KLC1: variants seen among roughly 807,000 people sequenced by gnomAD.
The protein encoded by KLC1 is kinesin 2 60/70kDa.
In KLC1, 30 loss-of-function variants were observed where a neutral mutation model predicts 84.2. That is an observed-to-expected ratio of 0.36 (90% CI 0.27 to 0.48). The LOEUF (loss-of-function observed/expected upper bound fraction) is 0.48, where lower values mean the gene tolerates loss of function less well. KLC1 is among the 20% of genes least tolerant of loss of function. KLC1 has a pLI of 0.99. For missense variants in KLC1, 499 were observed against 805.4 expected, an observed-to-expected ratio of 0.62 and a Z score of 4.60; for synonymous variants, 289 against 293.3, an observed-to-expected ratio of 0.99 and a Z score of 0.15.
chr14:103,637,601 G>A (rs545083965), intron 1 of KLC1, among the ~76,000 whole-genome samples: 2 of 151,994 alleles, frequency 1.3e-5, no homozygotes, highest in East Asian at 1.9e-4. Context: ...AGCAACATCC[G>A]CTTTCCTTAA....
chr14:103,662,166 C>G lies in KLC1; in HGVS notation c.543C>G (p.Pro181=). The change falls in exon 4 of 17, where the codon CCC becomes CCG. Residue 181 remains proline (P), a synonymous_variant. Coordinates refer to ENST00000334553, the MANE Select transcript of KLC1 (RefSeq NM_001394837.1). ...AAGAGCCTCTGGATGACCTTTTCCC[C>G]AATGATGAAGACGACCCAGGGCAAG... ...STKEPLDDLF[P]NDEDDPGQGI... 6.2e-7 allele frequency: 1 copy of G among 1,613,892 alleles called. No individual in the cohort carries two copies. The highest frequency in any genetic ancestry group is 8.5e-7 in the Non-Finnish European group (1 of 1,179,850).
intron 15 of KLC1, chr14:103,696,457 A>G (rs2082529370): frequency 2.0e-6 from 2 of 984,884 alleles, no homozygotes; most frequent in Non-Finnish European, 1.2e-6. Context: ...TGTATTAAAC[A>G]TTGCTAATGA....
chr14:103,639,333 G>A (rs930512582), intron 1 of KLC1, among the ~76,000 whole-genome samples: 43 of 152,058 alleles, frequency 2.8e-4, no homozygotes, highest in Non-Finnish European at 4.9e-4. Flanking sequence ...GTTTCACCAT[G>A]TTGGCCAGGC....
intron 7 of KLC1, among the ~76,000 whole-genome samples, chr14:103,671,757 TGGG>T (rs1567028764): frequency 1.3e-5 from 2 of 152,176 alleles, no homozygotes; most frequent in Non-Finnish European, 2.9e-5. Flanking sequence ...GGCAAGGAAT[TGGG>T]GGAGAGAAAA....
chr14:103,641,458 G>A (rs1367307199), intron 1 of KLC1, among the ~76,000 whole-genome samples: 1 of 152,184 alleles, frequency 6.6e-6, no homozygotes, highest in Admixed American at 6.6e-5. Context: ...CAGTCCTGGA[G>A]GCTGGAAGTC....
intron 11 of KLC1, among the ~76,000 whole-genome samples, chr14:103,676,216 G>A (rs1325761115): frequency 6.6e-6 from 1 of 152,186 alleles, no homozygotes; most frequent in Non-Finnish European, 1.5e-5. Context: ...ACTGCCCTCT[G>A]TGATGGCTGC....
chr14:103,644,086 G>T (rs1407321270), intron 1 of KLC1, among the ~76,000 whole-genome samples: 1 of 151,550 alleles, frequency 6.6e-6, no homozygotes. Context: ...GTGGTTGCGG[G>T]CGCCTGTGGT....
Position 103,694,988 on chromosome 14 carries a change from T to A in KLC1, c.1848+2563T>A, listed in dbSNP as rs1266916788. The stretch of plus-strand genomic sequence containing the variant: ...AGGAGCTGCCCTGTGGAGCCAGCGT[T>A]GTCCCCGAGCTGCTCGCCTGTGGCC... On this transcript the variant is annotated intron_variant, in intron 15 of 16. Transcript: ENST00000334553. The surrounding 1 kb of genome is among the most constrained non-coding windows in gnomAD (Gnocchi z 4.5). 2 of 985,320 alleles carry A rather than the reference T, an allele frequency of 2.0e-6. No individual in the cohort carries two copies. The highest frequency in any genetic ancestry group is 3.5e-5 in the African/African-American group (2 of 57,222). 61.0% of individuals were successfully genotyped at this position (985,320 alleles called of 1,614,324 possible).
intron 15 of KLC1, chr14:103,695,953 G>C (rs955702476): frequency 1.4e-5 from 14 of 985,320 alleles, no homozygotes; most frequent in Non-Finnish European, 1.6e-5. Context: ...CCCATCTGGC[G>C]GTCTGAATTT....
At chr14:103,637,078 A>G (rs1403181918) in intron 1 of KLC1, among the ~76,000 whole-genome samples, 1 of 149,770 alleles carries the variant, frequency 6.7e-6, no homozygotes, top group Non-Finnish European at 1.5e-5. Flanking sequence ...CTCTTGCTCT[A>G]TTGCCCAGGC....
Position 103,700,720 on chromosome 14 carries a change from C to T in KLC1, c.1914C>T (p.His638=). 2 of 1,599,090 alleles carry T rather than the reference C, an allele frequency of 1.3e-6. No individual in the cohort carries two copies. Among genetic ancestry groups the T allele is most frequent in the Non-Finnish European group, 1.7e-6 (2 of 1,174,012 alleles). ...AGCAGCAGTGGCCTGGAAGACGCCA[C>T]CGCTAACGTGAGTCCCACGGCCTGC... ...RQQQQWPGRR[H]R Residue 638 remains histidine, a synonymous_variant, in exon 16 of 17, where the codon CAC becomes CAT. Coordinates refer to ENST00000334553, the MANE Select transcript of KLC1 (RefSeq NM_001394837.1).
At chr14:103,656,819 T>G (rs888484161) in intron 2 of KLC1, among the ~76,000 whole-genome samples, 1 of 152,178 alleles carries the variant, frequency 6.6e-6, no homozygotes, top group East Asian at 1.9e-4. Context: ...AATAACCTGG[T>G]TATTATGTTA....
intron 11 of KLC1, 113 bp downstream of exon 11, chr14:103,675,869 C>A: frequency 1.2e-6 from 1 of 804,148 alleles, no homozygotes; most frequent in Non-Finnish European, 2.0e-6. Flanking sequence ...AGTGCACAGT[C>A]CCATGTTTTT....
chr14:103,654,368 C>T (rs966443119), intron 1 of KLC1, among the ~76,000 whole-genome samples, 196 bp from the exon 2 acceptor site: 3 of 152,082 alleles, frequency 2.0e-5, no homozygotes, highest in African/African-American at 7.2e-5. Flanking sequence ...AGACATAAAC[C>T]AGAAAAGTAA....
At chr14:103,650,425 C>T (rs1387770910) in intron 1 of KLC1, among the ~76,000 whole-genome samples, 1 of 152,106 alleles carries the variant, frequency 6.6e-6, no homozygotes, top group Non-Finnish European at 1.5e-5. Context: ...ATTGAATCAT[C>T]TCCAGGCATA....
intron 6 of KLC1, 123 bp from the exon 7 acceptor site, chr14:103,670,059 A>G (rs560183278): frequency 4.6e-4 from 306 of 661,042 alleles, no homozygotes; most frequent in Non-Finnish European, 6.3e-4. Context: ...CTGAAGTCAT[A>G]TTGTTCTATC....
At chr14:103,677,864 G>A (rs1460407060) in intron 12 of KLC1, among the ~76,000 whole-genome samples, 1 of 152,056 alleles carries the variant, frequency 6.6e-6, no homozygotes, top group African/African-American at 2.4e-5. Flanking sequence ...CTACTCGGGA[G>A]GCTGAGACAG....
At chr14:103,691,195 G>A (rs1003519461) in intron 14 of KLC1, among the ~76,000 whole-genome samples, 2 of 140,976 alleles carry the variant, frequency 1.4e-5, no homozygotes, top group East Asian at 4.1e-4. Context: ...GTCTTGCTGT[G>A]TCGCCCAGGC....
intron 1 of KLC1, among the ~76,000 whole-genome samples, chr14:103,638,164 C>G (rs1169573563): frequency 6.6e-6 from 1 of 152,138 alleles, no homozygotes; most frequent in African/African-American, 2.4e-5. Flanking sequence ...TTGCCCATCT[C>G]TCGGTAAAAC....
Sources: allele counts gnomAD v4.1 joint callset (sites outside exome capture counted in the v4.1 genomes callset), GRCh38; gene constraint gnomAD v4.1.1; non-coding constraint Gnocchi (gnomAD v3.1); transcripts MANE v1.5; gene names NCBI Gene and HGNC (gene_info 2026-07-23, HGNC 2026-07-21).